The following SHC3 variants were observed in gnomAD, a reference collection of about 807,000 sequenced individuals.
SHC3 encodes SHC adaptor protein 3, also known as SHC-transforming protein 3.
SHC3 carries 15 observed loss-of-function variants against 60.4 expected under a neutral mutation model. The ratio of observed to expected loss-of-function variants is 0.25; its 90% CI spans 0.17 to 0.38. The LOEUF (loss-of-function observed/expected upper bound fraction) is 0.38, where lower values mean the gene tolerates loss of function less well. Among genes scored for constraint, SHC3 ranks in the 10% least tolerant of loss-of-function variants. The pLI is 1.00. For synonymous variants in SHC3, 294 were observed against 325.9 expected (o/e 0.90, Z 1.05); for missense variants, 677 against 786.1 (o/e 0.86, Z 1.66).
chr9:89,092,797 GC>G (rs1825645228), intron 2 of SHC3, among the ~76,000 whole-genome samples: 1 of 151,444 alleles, frequency 6.6e-6, no homozygotes, highest in Non-Finnish European at 1.5e-5. Flanking sequence ...AATCTGGAAA[GC>G]TATTAACACT....
intron 11 of SHC3, among the ~76,000 whole-genome samples, chr9:89,030,828 A>T (rs114493954): frequency 7.2e-5 from 11 of 152,216 alleles, no homozygotes; most frequent in African/African-American, 2.6e-4. Flanking sequence ...GAAAAACAAG[A>T]TATTTGTCTG....
intron 3 of SHC3, among the ~76,000 whole-genome samples, chr9:89,077,495 C>T (rs1825378033): frequency 1.3e-5 from 2 of 152,216 alleles, no homozygotes. Flanking sequence ...TACCAGCACA[C>T]CACTGGGGAT....
intron 11 of SHC3, among the ~76,000 whole-genome samples, chr9:89,024,109 G>T (rs896876263): frequency 6.6e-6 from 1 of 152,070 alleles, no homozygotes; most frequent in African/African-American, 2.4e-5. Context: ...TGCCTTCCCA[G>T]TTCACTCAGC....
intron 1 of SHC3, among the ~76,000 whole-genome samples, chr9:89,169,871 G>C (rs1420396295): frequency 6.6e-6 from 1 of 152,156 alleles, no homozygotes; most frequent in East Asian, 1.9e-4. Context: ...TCATAAAAGG[G>C]TGGTTTACAA....
At chr9:89,047,125 A>G (rs953893649) in intron 7 of SHC3, 131 bp from the exon 8 acceptor site, 53 of 819,530 alleles carry the variant, frequency 6.5e-5, no homozygotes, top group Admixed American at 7.4e-5. Context: ...TCCAGGTCTC[A>G]TGCATAGATG....
intron 10 of SHC3, 151 bp downstream of exon 10, chr9:89,041,875 C>T (rs568525423): frequency 1.4e-5 from 14 of 988,794 alleles, no homozygotes; most frequent in Admixed American, 1.0e-4. Context: ...CTTAAACAAA[C>T]CCAATCATCA....
At chr9:89,158,098 A>G (rs1399365704) in intron 1 of SHC3, among the ~76,000 whole-genome samples, 1 of 151,446 alleles carries the variant, frequency 6.6e-6, no homozygotes, top group Non-Finnish European at 1.5e-5. Context: ...CAGCTGGATT[A>G]CTGATTGAAG....
chr9:89,078,930 G>GT (rs1399126916), intron 2 of SHC3, among the ~76,000 whole-genome samples: 2 of 152,182 alleles, frequency 1.3e-5, no homozygotes, highest in Non-Finnish European at 2.9e-5. Context: ...TACTTCTTCA[G>GT]ATTAATTTCT....
intron 11 of SHC3, among the ~76,000 whole-genome samples, chr9:89,034,642 T>C (rs939479549): frequency 2.0e-5 from 3 of 152,024 alleles, no homozygotes; most frequent in Non-Finnish European, 4.4e-5. Flanking sequence ...CCAGCAAAAA[T>C]CGTCAAGAAA....
intron 4 of SHC3, among the ~76,000 whole-genome samples, chr9:89,073,448 A>T (rs1825305930): frequency 6.6e-6 from 1 of 152,058 alleles, no homozygotes; most frequent in South Asian, 2.1e-4. Flanking sequence ...CTGCTGTCTC[A>T]CTGGATGGAG....
At chr9:89,174,871 C>T (rs556446319) in intron 1 of SHC3, among the ~76,000 whole-genome samples, 1 of 152,334 alleles carries the variant, frequency 6.6e-6, no homozygotes, top group East Asian at 1.9e-4. Flanking sequence ...TGTTCATATT[C>T]CTTCCTACAG....
intron 1 of SHC3, among the ~76,000 whole-genome samples, chr9:89,151,128 C>T (rs1450578104): frequency 3.9e-5 from 6 of 152,132 alleles, no homozygotes; most frequent in African/African-American, 1.4e-4. Context: ...AAGTAATCCT[C>T]CCACCTCAGC....
At chr9:89,073,552 C>A (rs1482787256) in intron 4 of SHC3, among the ~76,000 whole-genome samples, 2 of 152,242 alleles carry the variant, frequency 1.3e-5, no homozygotes, top group South Asian at 4.1e-4. Flanking sequence ...GCTTGCCCCC[C>A]ACCCAACCTT....
chr9:89,051,538 G>A (rs1464805933), intron 7 of SHC3, among the ~76,000 whole-genome samples: 1 of 152,186 alleles, frequency 6.6e-6, no homozygotes, highest in Non-Finnish European at 1.5e-5. Context: ...CTTGCTCAGG[G>A]CCACCTGGAA....
intron 1 of SHC3, among the ~76,000 whole-genome samples, chr9:89,164,702 A>G (rs1179065444): frequency 1.3e-5 from 2 of 152,214 alleles, no homozygotes; most frequent in Non-Finnish European, 2.9e-5. Flanking sequence ...TATTTATCTT[A>G]CTAGATGCTG....
At chr9:89,038,899 G>T (rs1824629117) in intron 10 of SHC3, among the ~76,000 whole-genome samples, 1 of 152,184 alleles carries the variant, frequency 6.6e-6, no homozygotes, top group South Asian at 2.1e-4. Flanking sequence ...GTGGAACGAG[G>T]CTCTCACATG....
intron 6 of SHC3, among the ~76,000 whole-genome samples, chr9:89,064,376 A>G (rs1304115118): frequency 1.3e-5 from 2 of 152,126 alleles, no homozygotes; most frequent in Non-Finnish European, 2.9e-5. Context: ...GAGCCTGGTG[A>G]GGCAGCCACG....
chr9:89,074,611 A>G (rs1376236615), intron 4 of SHC3, among the ~76,000 whole-genome samples: 3 of 147,418 alleles, frequency 2.0e-5, no homozygotes, highest in Admixed American at 6.9e-5. Flanking sequence ...CACATTGGCT[A>G]TTCCATAGAC....
chr9:89,144,859 C>T (rs575989590), intron 1 of SHC3, among the ~76,000 whole-genome samples: 2 of 151,922 alleles, frequency 1.3e-5, no homozygotes, highest in African/African-American at 2.4e-5. Flanking sequence ...CTGAACAGGA[C>T]GCCAGGATGT....
Sources: gnomAD v4.1 joint callset for allele counts (sites outside exome capture counted in the v4.1 genomes callset) on GRCh38, gnomAD v4.1.1 for gene constraint, MANE v1.5 for transcripts, NCBI Gene and HGNC (gene_info 2026-07-23, HGNC 2026-07-21) for gene names.